Variants in ZC3H12B observed in about 807,000 individuals in gnomAD.
The protein encoded by ZC3H12B is probable ribonuclease ZC3H12B.
ZC3H12B carries 7 observed loss-of-function variants against 43.9 expected under a neutral mutation model. That is an observed-to-expected ratio of 0.16 (90% CI 0.09 to 0.30). The LOEUF is 0.30. Among genes scored for constraint, ZC3H12B ranks in the 10% least tolerant of loss-of-function variants. ZC3H12B has a pLI of 1.00. For missense variants in ZC3H12B, 475 were observed against 670.2 expected (o/e 0.71, Z 3.22); for synonymous variants, 222 against 241.7 (o/e 0.92, Z 0.76).
the ZC3H12B span, chrX:65,331,182 G>A: frequency 1.1e-5 from 2 of 188,102 alleles, no homozygotes; most frequent in Admixed American, 6.1e-5. Context: ...AGAGAGCGCA[G>A]CACTCACCCA....
chrX:65,171,269 C>G, the ZC3H12B span, among the ~76,000 whole-genome samples: 3 of 111,478 alleles, frequency 2.7e-5, no homozygotes, highest in African/African-American at 9.8e-5. Context: ...CAGTCAGGAC[C>G]TTCAGCTGCA....
chrX:65,456,997 G>A (rs1440193795), intron 3 of ZC3H12B, among the ~76,000 whole-genome samples: 3 of 100,365 alleles, frequency 3.0e-5, no homozygotes, highest in African/African-American at 1.1e-4. Context: ...AGGAAGCGAG[G>A]AGCGCCTCTT....
chrX:65,137,060 T>G, the ZC3H12B span, among the ~76,000 whole-genome samples: 2 of 112,057 alleles, frequency 1.8e-5, no homozygotes, highest in Non-Finnish European at 3.8e-5. Flanking sequence ...CAACTTTACA[T>G]TATTTACCAT....
At chrX:65,079,143 G>T in the ZC3H12B span, among the ~76,000 whole-genome samples, 7 of 112,365 alleles carry the variant, frequency 6.2e-5, no homozygotes, top group African/African-American at 2.3e-4. Context: ...TCTGTGCCTG[G>T]CTTATTTCAC....
intron 3 of ZC3H12B, among the ~76,000 whole-genome samples, chrX:65,411,642 C>T (rs762230105): frequency 2.7e-5 from 3 of 110,405 alleles, no homozygotes; most frequent in African/African-American, 6.6e-5. Flanking sequence ...AGGAGAATCA[C>T]TTGAACCCAG....
the ZC3H12B span, among the ~76,000 whole-genome samples, chrX:65,054,346 C>A: frequency 1.2e-4 from 13 of 111,550 alleles, no homozygotes; most frequent in Admixed American, 2.8e-4. Context: ...GTTTTCCCAG[C>A]ACCATTTATT....
At chrX:65,150,550 G>T in the ZC3H12B span, among the ~76,000 whole-genome samples, 1 of 109,336 alleles carries the variant, frequency 9.1e-6, no homozygotes, top group African/African-American at 3.3e-5. Context: ...CATGTATTCT[G>T]ATTGTTCAAC....
intron 1 of ZC3H12B, among the ~76,000 whole-genome samples, chrX:65,367,831 G>A (rs1001908211): frequency 1.0e-4 from 11 of 110,361 alleles, no homozygotes; most frequent in South Asian, 3.9e-4. Flanking sequence ...GATTGCATCC[G>A]GCACCAAGAA....
the ZC3H12B span, among the ~76,000 whole-genome samples, chrX:65,212,803 G>A: frequency 4.9e-5 from 5 of 101,446 alleles, no homozygotes; most frequent in Admixed American, 2.4e-4. Flanking sequence ...TGAGAACATC[G>A]ACTATATCTG....
chrX:65,236,088 T>C, the ZC3H12B span, among the ~76,000 whole-genome samples: 1 of 111,915 alleles, frequency 8.9e-6, no homozygotes, highest in Non-Finnish European at 1.9e-5. Flanking sequence ...AAAAACACCA[T>C]TTTATTTTGT....
At chrX:65,202,161 A>C in the ZC3H12B span, among the ~76,000 whole-genome samples, 191 of 72,206 alleles carry the variant, frequency 2.6e-3, no homozygotes, top group African/African-American at 0.035. Flanking sequence ...TATATATTAT[A>C]TATAATATAT....
intron 2 of ZC3H12B, among the ~76,000 whole-genome samples, chrX:65,380,123 C>T (rs1221160179): frequency 1.8e-5 from 2 of 111,489 alleles, no homozygotes; most frequent in African/African-American, 6.5e-5. Flanking sequence ...AAAGATACTC[C>T]TTGAGAAGAG....
chrX:65,114,526 A>G, the ZC3H12B span, among the ~76,000 whole-genome samples: 1 of 110,657 alleles, frequency 9.0e-6, no homozygotes, highest in African/African-American at 3.3e-5. Flanking sequence ...GTCTGTGTGA[A>G]GAGCTCATCA....
chrX:65,304,602 C>T, the ZC3H12B span, among the ~76,000 whole-genome samples: 9 of 99,180 alleles, frequency 9.1e-5, no homozygotes, highest in South Asian at 8.7e-4. Flanking sequence ...GGGGACAGAG[C>T]GACACTCCGT....
intron 3 of ZC3H12B, among the ~76,000 whole-genome samples, chrX:65,423,281 T>C (rs768247726): frequency 5.4e-5 from 6 of 112,056 alleles, no homozygotes; most frequent in African/African-American, 1.6e-4. Context: ...TTGGGTTGGT[T>C]CCAAGTCTTT....
At chrX:65,189,434 T>G in the ZC3H12B span, among the ~76,000 whole-genome samples, 1 of 100,549 alleles carries the variant, frequency 9.9e-6, no homozygotes, top group Admixed American at 1.1e-4. Context: ...GTGTTCCTAT[T>G]TCTCCACATC....
chrX:65,192,707 A>T, the ZC3H12B span, among the ~76,000 whole-genome samples: 1 of 111,300 alleles, frequency 9.0e-6, no homozygotes, highest in East Asian at 2.8e-4. Context: ...CCACTTGGTC[A>T]TGATGAATGA....
intron 1 of ZC3H12B, among the ~76,000 whole-genome samples, chrX:65,494,689 G>A (rs1426610830): frequency 9.2e-6 from 1 of 109,266 alleles, no homozygotes; most frequent in Non-Finnish European, 1.9e-5. Flanking sequence ...GCTGAGACAG[G>A]AGAATTGCTT....
At chrX:65,274,996 C>A in the ZC3H12B span, among the ~76,000 whole-genome samples, 1 of 112,067 alleles carries the variant, frequency 8.9e-6, no homozygotes, top group African/African-American at 3.2e-5. Flanking sequence ...TGGCCAGCAG[C>A]AGTGTATCCA....
Sources: gnomAD v4.1 joint callset for allele counts (sites outside exome capture counted in the v4.1 genomes callset) on GRCh38, gnomAD v4.1.1 for gene constraint, MANE v1.5 for transcripts, NCBI Gene and HGNC (gene_info 2026-07-23, HGNC 2026-07-21) for gene names.